ITPK1: variants seen among roughly 807,000 people sequenced by gnomAD.
ITPK1 encodes inositol 1,3,4-trisphosphate 5/6-kinase.
ITPK1 carries 21 observed loss-of-function variants against 45.3 expected under a neutral mutation model. The ratio of observed to expected loss-of-function variants is 0.46; its 90% confidence interval spans 0.33 to 0.67. The LOEUF is 0.67. Ranked by LOEUF, ITPK1 falls within the 30% of genes least tolerant of loss-of-function variation. The pLI, the probability that ITPK1 is intolerant of heterozygous loss-of-function variation, is 0.02. For synonymous variants in ITPK1, 258 were observed against 253.6 expected (o/e 1.02, Z -0.16); for missense variants, 474 against 573.5 (o/e 0.83, Z 1.77).
intron 4 of ITPK1, among the ~76,000 whole-genome samples, chr14:93,003,048 G>A (rs767684901): frequency 2.0e-5 from 3 of 152,380 alleles, no homozygotes; most frequent in South Asian, 2.1e-4. Flanking sequence ...GAGGGTCCGC[G>A]TGGCGCAGGG....
At position 93,016,720 on chromosome 14, in the gene ITPK1, C is replaced by T. The variant is rs1313574928; in HGVS notation, c.202G>A (p.Asp68Asn). Reference sequence around the variant, plus strand: ...TCCAGGGACTGGCTATCATTCTGGTCGGCTTCAAGGATGACGTCAGTCAGC... The same window carrying T: ...TCCAGGGACTGGCTATCATTCTGGTTGGCTTCAAGGATGACGTCAGTCAGC... ...HKLTDVILEA[D>N]QNDSQSLELV... Residue 68 changes from aspartate (D) to asparagine (N), a missense_variant, in exon 4 of 11, where the codon GAC becomes AAC. Asp to Asn is a conservative substitution (Grantham distance 23). Transcript: ENST00000267615. The surrounding 1 kb of genome is among the most constrained non-coding windows in gnomAD (Gnocchi z 5.0). The T allele has an allele frequency of 7.4e-6, 12 of 1,614,130 alleles. 1 individual carries two copies. The highest frequency in any genetic ancestry group is 1.6e-4 in the Middle Eastern group (1 of 6,062).
intron 2 of ITPK1, among the ~76,000 whole-genome samples, chr14:93,084,355 G>A (rs1193327560): frequency 6.6e-6 from 1 of 152,198 alleles, no homozygotes; most frequent in Non-Finnish European, 1.5e-5. Context: ...GTCACACCGA[G>A]GAAAGTGCTA....
At chr14:92,955,500 G>A (rs904488737) in intron 8 of ITPK1, among the ~76,000 whole-genome samples, 1 of 152,186 alleles carries the variant, frequency 6.6e-6, no homozygotes, top group African/African-American at 2.4e-5. Flanking sequence ...TCTCTACCCT[G>A]GCACAGGGTG....
At chr14:93,071,863 T>A (rs770720659) in intron 3 of ITPK1, 2 of 152,204 alleles carry the variant, frequency 1.3e-5, no homozygotes, top group Admixed American at 6.5e-5. Flanking sequence ...TTTAATTTCC[T>A]GTGATTTCCT....
At position 92,937,476 on chromosome 14, in the gene ITPK1, T is replaced by A. The variant is rs560889080; in HGVS notation, c.*4085A>T. The stretch of plus-strand genomic sequence containing the variant: ...GATGACTCTTGAAGGGAAAATGTAA[T>A]CATTTCTGAAAAGGGGGGGTCTGGG... On this transcript the variant is annotated 3_prime_UTR_variant, in exon 11 of 11. Transcript: ENST00000267615. 6.6e-6 allele frequency: 1 copy of A among 152,178 alleles called. No homozygotes were observed. Among genetic ancestry groups the A allele is most frequent in the African/African-American group, 2.4e-5 (1 of 41,504 alleles). The allele number at this position is 152,178 out of a possible 1,614,324, so 9.4% of individuals were successfully genotyped here.
At chr14:93,013,538 C>T (rs927983543) in intron 4 of ITPK1, among the ~76,000 whole-genome samples, 7 of 152,224 alleles carry the variant, frequency 4.6e-5, no homozygotes, top group African/African-American at 1.4e-4. Flanking sequence ...CATTTTTCTC[C>T]ACCCACACAG....
intron 5 of ITPK1, among the ~76,000 whole-genome samples, chr14:92,966,272 G>A (rs372634361): frequency 6.6e-6 from 1 of 152,168 alleles, no homozygotes; most frequent in Non-Finnish European, 1.5e-5. Flanking sequence ...GATTACAGGT[G>A]TGAGCTACCA....
chr14:93,001,854 G>A (rs764276768), intron 4 of ITPK1, among the ~76,000 whole-genome samples: 12 of 152,138 alleles, frequency 7.9e-5, no homozygotes, highest in Admixed American at 5.9e-4. Flanking sequence ...CAGCTCCTCC[G>A]TACCCAGCGC....
rs1887350596 is a variant in ITPK1, at chr14:92,941,013, G to A, written c.*548C>T. On this transcript the variant is annotated 3_prime_UTR_variant, in exon 11 of 11. Coordinates refer to ENST00000267615, the MANE Select transcript of ITPK1 (RefSeq NM_014216.6). ...CCTCCTCTGGCTGTGGGGAGGGAGG[G>A]GTTAGCTGCACACCAGGCAGGGTGG... 2.4e-6 allele frequency: 3 copies of A among 1,259,312 alleles called. No individual in the cohort carries two copies. The highest frequency in any genetic ancestry group is 3.1e-6 in the Non-Finnish European group (3 of 973,358). 78.0% of individuals were successfully genotyped at this position (1,259,312 alleles called of 1,614,324 possible). A position where few individuals can be genotyped will look rare whatever the true frequency, so the allele number is the denominator to read the frequency against.
chr14:93,092,927 C>T (rs1401816071), intron 2 of ITPK1, among the ~76,000 whole-genome samples: 2 of 152,170 alleles, frequency 1.3e-5, no homozygotes, highest in Non-Finnish European at 2.9e-5. Flanking sequence ...ACTCACCCAC[C>T]CTCCAGCCAC....
intron 2 of ITPK1, among the ~76,000 whole-genome samples, chr14:93,106,923 G>C (rs1892549625): frequency 6.6e-6 from 1 of 151,794 alleles, no homozygotes; most frequent in Non-Finnish European, 1.5e-5. Flanking sequence ...CATGAAAAAG[G>C]CTTCCAAAAA....
Position 93,006,864 on chromosome 14 carries a change from C to T in ITPK1, c.246+9812G>A, listed in dbSNP as rs138318134. Among the ~76,000 whole-genome samples the T allele has an allele frequency of 3.3e-5, 5 of 152,368 alleles. No individual in the cohort carries two copies. The East Asian group carries it at 9.6e-4, about 29-fold the overall frequency. ...CCTGCCACTGAAAACAATACCTCCC[C>T]TCTGTCCCCAGATTTCACACCAAAC... On this transcript the variant is annotated intron_variant, in intron 4 of 10. Transcript: ENST00000267615.
chr14:92,945,324 G>T (rs553686014), intron 10 of ITPK1, among the ~76,000 whole-genome samples: 2 of 152,224 alleles, frequency 1.3e-5, no homozygotes, highest in Admixed American at 1.3e-4. Flanking sequence ...TCAGACGAGC[G>T]GAGGTGACAC....
chr14:92,963,102 A>G (rs565328315), intron 5 of ITPK1, among the ~76,000 whole-genome samples: 5 of 152,396 alleles, frequency 3.3e-5, no homozygotes, highest in Admixed American at 6.5e-5. Flanking sequence ...AAGAGTACAG[A>G]AAAGTAAAAA....
At position 92,941,076 on chromosome 14, in the gene ITPK1, A is replaced by T; in HGVS notation, c.*485T>A. ...CCTTGGTGGAGACCAGTAGGAGGAA[A>T]AACAAGGAAGGGGCAGGTCAGGGAG... On this transcript the variant is annotated 3_prime_UTR_variant, in exon 11 of 11. Transcript: ENST00000267615. 3 of 1,203,006 alleles carry T rather than the reference A, an allele frequency of 2.5e-6. No individual in the cohort carries two copies. The South Asian group carries it at 4.5e-5, about 18-fold the overall frequency. The allele number at this position is 1,203,006 out of a possible 1,614,324, so 74.5% of individuals were successfully genotyped here.
chr14:93,021,355 G>A (rs7401067), intron 3 of ITPK1, among the ~76,000 whole-genome samples: 8,334 of 152,148 alleles, frequency 0.055, 429 homozygotes, highest in African/African-American at 0.13. Context: ...CACTTTGGGA[G>A]GCCAGGTGGG....
intron 9 of ITPK1, among the ~76,000 whole-genome samples, chr14:92,948,668 A>C (rs1230784356): frequency 6.6e-6 from 1 of 151,968 alleles, no homozygotes; most frequent in African/African-American, 2.4e-5. Context: ...AAGTGAAAGC[A>C]GATCGACAGG....
At position 93,016,482 on chromosome 14, in the gene ITPK1, C is replaced by T. The variant is rs193250780; in HGVS notation, c.246+194G>A. Among the ~76,000 whole-genome samples, 54 of 152,290 alleles carry T rather than the reference C, an allele frequency of 3.5e-4. No homozygotes were observed. The highest frequency in any genetic ancestry group is 1.3e-3 in the African/African-American group (52 of 41,554). ...CAACCATGCCCTGGTTCAGTCCCCA[C>T]GCTACACCCGAGGACACTGACGCCG... On this transcript the variant is annotated intron_variant, in intron 4 of 10. Transcript: ENST00000267615. This position sits in a 1 kb window ranked among gnomAD's most constrained non-coding sequence, Gnocchi z 5.0.
chr14:92,942,014 G>A, intron 10 of ITPK1, 110 bp from the exon 11 acceptor site: 7 of 919,580 alleles, frequency 7.6e-6, no homozygotes, highest in Middle Eastern at 3.1e-4. Context: ...GGCAGGGTGT[G>A]CTGTCAGCGT....
Sources: allele counts gnomAD v4.1 joint callset (sites outside exome capture counted in the v4.1 genomes callset), GRCh38; gene constraint gnomAD v4.1.1; non-coding constraint Gnocchi (gnomAD v3.1); transcripts MANE v1.5; gene names NCBI Gene and HGNC (gene_info 2026-07-23, HGNC 2026-07-21).